The following NPAS2 variants were observed in gnomAD, a reference collection of about 807,000 sequenced individuals.
NPAS2 encodes neuronal PAS domain-containing protein 2.
NPAS2 carries 23 observed loss-of-function variants against 107.5 expected under a neutral mutation model. The ratio of observed to expected loss-of-function variants is 0.21; its 90% CI spans 0.15 to 0.30. NPAS2 has a LOEUF of 0.30. Among genes scored for constraint, NPAS2 ranks in the 10% least tolerant of loss-of-function variants. The probability of loss-of-function intolerance (pLI) is 1.00; values close to 1 mark genes in which losing one functional copy is unlikely to be tolerated. For synonymous variants in NPAS2, 403 were observed against 417.5 expected (o/e 0.97, Z 0.42); for missense variants, 756 against 1,043.3 (o/e 0.72, Z 3.79).
At chr2:100,847,707 G>A (rs1677871327) in intron 1 of NPAS2, among the ~76,000 whole-genome samples, 1 of 152,190 alleles carries the variant, frequency 6.6e-6, no homozygotes, top group African/African-American at 2.4e-5. Context: ...AGCTGATGGG[G>A]AACCCGGCAA....
intron 1 of NPAS2, chr2:100,901,559 A>G: frequency 1.0e-6 from 1 of 984,936 alleles, no homozygotes; most frequent in Non-Finnish European, 1.2e-6. Context: ...TGTGCAGAGG[A>G]TCCTGCAGAC....
At chr2:100,886,314 T>TA (rs1295900693) in intron 1 of NPAS2, among the ~76,000 whole-genome samples, 1 of 152,202 alleles carries the variant, frequency 6.6e-6, no homozygotes, top group African/African-American at 2.4e-5. Context: ...AGCCAAGGTC[T>TA]CCTATCCAGC....
chr2:100,972,379 C>T (rs745621881), intron 12 of NPAS2, among the ~76,000 whole-genome samples: 11 of 152,178 alleles, frequency 7.2e-5, no homozygotes, highest in Non-Finnish European at 1.5e-4. Flanking sequence ...GAGGGGAGTA[C>T]CTCTTAGAAC....
chr2:100,951,065 A>G (rs1422694806), intron 7 of NPAS2, among the ~76,000 whole-genome samples: 1 of 152,142 alleles, frequency 6.6e-6, no homozygotes, highest in Non-Finnish European at 1.5e-5. Flanking sequence ...TGCCCTAAAG[A>G]GTCTAGCTCA....
chr2:100,877,985 G>A (rs1160525119), intron 1 of NPAS2: 1 of 985,282 alleles, frequency 1.0e-6, no homozygotes, highest in South Asian at 4.7e-5. Flanking sequence ...TCTGGGGCCT[G>A]CAGAATTTAT....
chr2:100,938,719 G>A (rs986382128), intron 5 of NPAS2, among the ~76,000 whole-genome samples: 6 of 151,996 alleles, frequency 3.9e-5, no homozygotes, highest in Admixed American at 2.6e-4. Flanking sequence ...ATCTGGCCAG[G>A]CTTCCATCTC....
chr2:100,922,440 G>A (rs62152894), intron 2 of NPAS2, among the ~76,000 whole-genome samples: 1,991 of 151,990 alleles, frequency 0.013, 19 homozygotes, highest in Middle Eastern at 0.024. Flanking sequence ...AAAATTAGCC[G>A]GGTGTGGTGG....
chr2:100,893,929 G>T (rs1382791242), intron 1 of NPAS2, among the ~76,000 whole-genome samples: 1 of 152,188 alleles, frequency 6.6e-6, no homozygotes, highest in African/African-American at 2.4e-5. Context: ...GGAGTAACAT[G>T]CCTTTCCGTG....
At chr2:100,873,009 T>C (rs1005431972) in intron 1 of NPAS2, among the ~76,000 whole-genome samples, 9 of 151,826 alleles carry the variant, frequency 5.9e-5, no homozygotes, top group African/African-American at 2.2e-4. Context: ...AGTTAAAATC[T>C]ATTTGAAAAC....
chr2:100,919,750 C>G lies in NPAS2; in HGVS notation c.33-5396C>G, dbSNP rs372752223. 3.3e-3 allele frequency among the ~76,000 whole-genome samples: 505 copies of G among 152,320 alleles called. 2 individuals are homozygous for G. The highest frequency in any genetic ancestry group is 0.011 in the African/African-American group (477 of 41,572). On this transcript the variant is annotated intron_variant, in intron 2 of 20. Coordinates refer to ENST00000335681, the MANE Select transcript of NPAS2 (RefSeq NM_002518.4). Reference sequence around the variant, plus strand: ...CTCCAATTGAGCCCAACTCTGCTGCCAAACTTGACCACCCAGCTTTCCCCT... The same window carrying G: ...CTCCAATTGAGCCCAACTCTGCTGCGAAACTTGACCACCCAGCTTTCCCCT...
chr2:100,819,274 G>C (rs1257222947), upstream of NPAS2, among the ~76,000 whole-genome samples: 2 of 152,146 alleles, frequency 1.3e-5, no homozygotes, highest in African/African-American at 4.8e-5. This position sits in a 1 kb window ranked among gnomAD's most constrained non-coding sequence, Gnocchi z 5.8. Context: ...GGAGCTCCAA[G>C]TGCCCGCTCC....
chr2:100,938,895 C>G (rs543483780), intron 5 of NPAS2, among the ~76,000 whole-genome samples: 31 of 152,274 alleles, frequency 2.0e-4, no homozygotes, highest in Non-Finnish European at 4.3e-4. Context: ...TCCCCACCAC[C>G]CCCGACCCCT....
At chr2:100,948,148 C>T (rs878917711) in intron 5 of NPAS2, 87 bp from the exon 6 acceptor site, 30 of 1,442,194 alleles carry the variant, frequency 2.1e-5, no homozygotes, top group South Asian at 8.7e-5. Flanking sequence ...ACCAGTTCTG[C>T]GTTGTTGTGA....
intron 3 of NPAS2, 85 bp from the exon 4 acceptor site, chr2:100,932,825 A>G (rs919077927): frequency 9.8e-6 from 9 of 917,628 alleles, no homozygotes; most frequent in African/African-American, 1.7e-5. Flanking sequence ...ACACAAAATT[A>G]CATAGAAGTA....
intron 1 of NPAS2, among the ~76,000 whole-genome samples, chr2:100,889,814 G>A (rs1641284483): frequency 6.6e-6 from 1 of 152,152 alleles, no homozygotes; most frequent in Non-Finnish European, 1.5e-5. Context: ...TGACCTAGCA[G>A]ATACATCTCA....
At chr2:100,913,068 G>C (rs1384527492) in intron 2 of NPAS2, among the ~76,000 whole-genome samples, 2 of 152,090 alleles carry the variant, frequency 1.3e-5, no homozygotes, top group East Asian at 3.9e-4. Context: ...AAATTGTCTG[G>C]ATTCTCTTCT....
intron 2 of NPAS2, among the ~76,000 whole-genome samples, chr2:100,924,661 G>C (rs1683446865): frequency 1.3e-5 from 2 of 152,184 alleles, no homozygotes; most frequent in Non-Finnish European, 2.9e-5. Flanking sequence ...TCCCCCAACA[G>C]GGCGATGAGC....
intron 5 of NPAS2, among the ~76,000 whole-genome samples, chr2:100,941,718 C>T (rs760268286): frequency 3.9e-4 from 60 of 152,162 alleles, no homozygotes; most frequent in Admixed American, 5.2e-4. Flanking sequence ...GAAAACCTTG[C>T]GGGAGAGATC....
chr2:100,946,054 G>A (rs548266189), intron 5 of NPAS2, among the ~76,000 whole-genome samples: 1 of 152,350 alleles, frequency 6.6e-6, no homozygotes, highest in East Asian at 1.9e-4. Context: ...GCACATAGCT[G>A]TACAGGAAAA....
Sources: allele counts gnomAD v4.1 joint callset (sites outside exome capture counted in the v4.1 genomes callset), GRCh38; gene constraint gnomAD v4.1.1; non-coding constraint Gnocchi (gnomAD v3.1); transcripts MANE v1.5; gene names NCBI Gene and HGNC (gene_info 2026-07-23, HGNC 2026-07-21).